WASHC4: variants seen among roughly 807,000 people sequenced by gnomAD.
WASHC4 encodes WASH complex subunit 4, also known as WASH complex subunit 7.
In WASHC4, 86 loss-of-function variants were observed where a neutral mutation model predicts 166.6. The observed-to-expected ratio is 0.52, with a 90% confidence interval of 0.43 to 0.62. WASHC4 has a LOEUF of 0.62. Ranked by LOEUF, WASHC4 falls within the 20% of genes least tolerant of loss-of-function variation. The probability of loss-of-function intolerance (pLI) is 0.00; values close to 1 mark genes in which losing one functional copy is unlikely to be tolerated. For synonymous variants in WASHC4, 446 were observed against 451.6 expected (o/e 0.99, Z 0.16); for missense variants, 1,262 against 1,382.4 (o/e 0.91, Z 1.38).
intron 19 of WASHC4, 48 bp from the exon 20 acceptor site, chr12:105,143,079 A>G (rs749236421): frequency 2.6e-6 from 3 of 1,153,476 alleles, no homozygotes; most frequent in South Asian, 2.5e-5. Context: ...TGTTTAGATT[A>G]GAGACCTGGT....
intron 13 of WASHC4, among the ~76,000 whole-genome samples, chr12:105,131,670 T>G (rs2135766610): frequency 6.6e-6 from 1 of 152,244 alleles, no homozygotes; most frequent in East Asian, 1.9e-4. Context: ...GATCACAACC[T>G]CCTCCTCAAA....
intron 16 of WASHC4, 88 bp downstream of exon 16, chr12:105,140,489 T>G (rs1231242856): frequency 8.3e-6 from 8 of 968,362 alleles, no homozygotes; most frequent in Non-Finnish European, 1.3e-5. Flanking sequence ...TGGTTTAACC[T>G]GTTTATTCCA....
chr12:105,166,236 A>G (rs190269674), intron 32 of WASHC4, among the ~76,000 whole-genome samples: 4 of 152,340 alleles, frequency 2.6e-5, no homozygotes, highest in Admixed American at 2.6e-4. Context: ...AGATATAGTC[A>G]GTTTCTGAAT....
chr12:105,118,579 G>A lies in WASHC4; in HGVS notation c.518+51G>A, dbSNP rs747553812. 3 of 1,042,252 alleles carry A rather than the reference G, an allele frequency of 2.9e-6. No homozygotes were observed. The Admixed American group carries it at 5.1e-5, about 18-fold the overall frequency. The allele number at this position is 1,042,252 out of a possible 1,614,324, so 64.6% of individuals were successfully genotyped here. ...CTTTTATAATAGAGATGCAGAAAAT[G>A]TTCTTTCTAAAATTAATAACTTGTA... On this transcript the variant is annotated intron_variant, in intron 7 of 32. Transcript: ENST00000332180.
Position 105,159,992 on chromosome 12 carries a change from G to A in WASHC4, c.2913-9G>A. ...TGAGAAAGGAACCAAATAATTTTTT[G>A]CTTTTTAGGCATTTGGATTCAGTCC... On this transcript the variant is annotated splice_polypyrimidine_tract_variant and intron_variant, in intron 28 of 32. Coordinates refer to ENST00000332180, the MANE Select transcript of WASHC4 (RefSeq NM_015275.3). 1.9e-6 allele frequency: 3 copies of A among 1,612,662 alleles called. No homozygotes were observed. Among genetic ancestry groups the A allele is most frequent in the Non-Finnish European group, 1.7e-6 (2 of 1,179,280 alleles).
intron 8 of WASHC4, 26 bp from the exon 9 acceptor site, chr12:105,121,075 G>T (rs775278726): frequency 2.0e-6 from 3 of 1,504,602 alleles, no homozygotes; most frequent in Non-Finnish European, 2.8e-6. Context: ...GTGACTAAAT[G>T]ATAATCATTA....
chr12:105,162,681 C>A, intron 29 of WASHC4, 68 bp from the exon 30 acceptor site: 1 of 785,166 alleles, frequency 1.3e-6, no homozygotes, highest in Non-Finnish European at 2.3e-6. Context: ...TTTAAAATGT[C>A]TGTTATAGGA....
In WASHC4 at chr12:105,140,368, A is replaced by C; in HGVS notation, c.1527A>C (p.Gln509His). Residue 509 changes from glutamine to histidine, a missense_variant, in exon 16 of 33, where the codon CAA (glutamine) becomes CAC (histidine). Physicochemically the swap from Gln to His is conservative, Grantham distance 24. Coordinates refer to ENST00000332180, the MANE Select transcript of WASHC4 (RefSeq NM_015275.3). ...DSVSHITQHL[Q>H]HQALHSISVA... is the part of the protein sequence containing the mutation. ...TTTCACATATAACACAGCACCTTCA[A>C]CATCAGGCTCTTCATTCTATTTCTG... The C allele has an allele frequency of 6.2e-7, 1 of 1,613,686 alleles. No homozygotes were observed. The highest frequency in any genetic ancestry group is 8.5e-7 in the Non-Finnish European group (1 of 1,179,584).
At chr12:105,135,495 A>G (rs1293317752) in intron 14 of WASHC4, among the ~76,000 whole-genome samples, 1 of 151,632 alleles carries the variant, frequency 6.6e-6, no homozygotes, top group African/African-American at 2.4e-5. Flanking sequence ...TGTTGCTTCT[A>G]AAATATGTAT....
rs769046214 is a variant in WASHC4, at chr12:105,149,739, A to G, written c.2639A>G (p.Asn880Ser). The change falls in exon 25 of 33, where the codon AAT becomes AGT. Residue 880 changes from asparagine to serine, a missense_variant. Coordinates refer to ENST00000332180, the MANE Select transcript of WASHC4 (RefSeq NM_015275.3). ...TTTTTCAGGGAAATTAAGGACCAAA[A>G]TGATCATAAGGTAGGCTACCTATTC... ...IRFFREIKDQ[N>S]DHKYPFDRAE... 2 of 1,597,152 alleles carry G rather than the reference A, an allele frequency of 1.3e-6. No individual in the cohort carries two copies. The highest frequency in any genetic ancestry group is 2.2e-5 in the East Asian group (1 of 44,508).
intron 14 of WASHC4, among the ~76,000 whole-genome samples, chr12:105,135,959 G>A (rs1192435685): frequency 6.6e-6 from 1 of 152,084 alleles, no homozygotes; most frequent in Admixed American, 6.6e-5. Context: ...AGCTGTAGAC[G>A]TAATTTGAGG....
rs1017226364 is a variant in WASHC4 at position 105,148,993 on chromosome 12, G to C, written c.2515-622G>C. ...AAAGCACACATGTACTTAACATTCT[G>C]AGAAATTATTACAGTAGAGATTTAA... On this transcript the variant is annotated intron_variant, in intron 24 of 32. Coordinates refer to ENST00000332180, the MANE Select transcript of WASHC4 (RefSeq NM_015275.3). 4.1e-6 allele frequency: 4 copies of C among 983,294 alleles called. No homozygotes were observed. In the African/African-American group the frequency reaches 7.0e-5, roughly 17 times the overall value. 60.9% of individuals were successfully genotyped at this position (983,294 alleles called of 1,614,324 possible). A position where few individuals can be genotyped will look rare whatever the true frequency, so the allele number is the denominator to read the frequency against.
intron 13 of WASHC4, among the ~76,000 whole-genome samples, chr12:105,130,929 AT>A (rs1881743557): frequency 6.6e-6 from 1 of 151,912 alleles, no homozygotes; most frequent in African/African-American, 2.4e-5. Context: ...GGGGCAGGAG[AT>A]TTGTTTTTTT....
intron 10 of WASHC4, among the ~76,000 whole-genome samples, chr12:105,122,681 C>G (rs576337402): frequency 6.6e-6 from 1 of 152,010 alleles, no homozygotes; most frequent in Admixed American, 6.6e-5. Context: ...GTAATTCTTG[C>G]AATATTTTAA....
intron 26 of WASHC4, chr12:105,155,113 A>C (rs988057601): frequency 2.0e-5 from 3 of 152,204 alleles, no homozygotes; most frequent in African/African-American, 7.2e-5. Context: ...TTGCCAGGAC[A>C]TGTTGGCTCT....
intron 13 of WASHC4, among the ~76,000 whole-genome samples, chr12:105,131,155 C>T (rs915983008): frequency 3.3e-5 from 5 of 150,648 alleles, no homozygotes; most frequent in African/African-American, 7.3e-5. Flanking sequence ...GGCGCAATCT[C>T]GGCTCACTGC....
At chr12:105,140,159 C>A (rs940507065) in intron 15 of WASHC4, 135 bp from the exon 16 acceptor site, 11 of 686,472 alleles carry the variant, frequency 1.6e-5, no homozygotes, top group Non-Finnish European at 2.3e-5. Context: ...GCGTGAGCCA[C>A]CACGCCAGGA....
chr12:105,165,220 G>A (rs568711917), intron 32 of WASHC4, among the ~76,000 whole-genome samples: 1 of 152,254 alleles, frequency 6.6e-6, no homozygotes, highest in South Asian at 2.1e-4. Context: ...TGGAGACTCA[G>A]GCAATATAGC....
At chr12:105,153,047 A>T (rs1883890984) in intron 26 of WASHC4, among the ~76,000 whole-genome samples, 1 of 152,220 alleles carries the variant, frequency 6.6e-6, no homozygotes, top group African/African-American at 2.4e-5. Flanking sequence ...TGAGATAGGC[A>T]TGTAATCGTT....
Sources: allele counts gnomAD v4.1 joint callset (sites outside exome capture counted in the v4.1 genomes callset), GRCh38; gene constraint gnomAD v4.1.1; transcripts MANE v1.5; gene names NCBI Gene and HGNC (gene_info 2026-07-23, HGNC 2026-07-21).